Variants in GINM1 observed in about 807,000 individuals in gnomAD.
The protein encoded by GINM1 is glycoprotein integral membrane protein 1.
A neutral mutation model predicts 37.8 loss-of-function variants in GINM1; 29 were observed. The observed-to-expected ratio is 0.77, with a 90% CI of 0.57 to 1.05. GINM1 has a LOEUF of 1.05. Among genes scored for constraint, GINM1 ranks in the 50% least tolerant of loss-of-function variants. The pLI, the probability that GINM1 is intolerant of heterozygous loss-of-function variation, is 0.00. For missense variants in GINM1, 377 were observed against 397.9 expected, an observed-to-expected ratio of 0.95 and a Z score of 0.45; for synonymous variants, 143 against 146.2, an observed-to-expected ratio of 0.98 and a Z score of 0.16.
At chr6:149,568,128 G>A (rs1442611591) in intron 1 of GINM1, among the ~76,000 whole-genome samples, 3 of 152,284 alleles carry the variant, frequency 2.0e-5, no homozygotes, top group Non-Finnish European at 2.9e-5. Flanking sequence ...CACATATTAC[G>A]CTGGGTGCAG....
At chr6:149,580,129 A>T in intron 5 of GINM1, 139 bp downstream of exon 5, 2 of 605,182 alleles carry the variant, frequency 3.3e-6, no homozygotes, top group South Asian at 5.4e-5. Context: ...ATGTTTGGAA[A>T]TGAGCTTGTT....
At chr6:149,580,570 A>G (rs764476982) in intron 5 of GINM1, 23 bp from the exon 6 acceptor site, 1 of 1,596,666 alleles carries the variant, frequency 6.3e-7, no homozygotes, top group South Asian at 1.1e-5. Context: ...CATTTTGGTA[A>G]CGTTGCTCTT....
chr6:149,585,707 C>G (rs1400862242), intron 7 of GINM1, among the ~76,000 whole-genome samples: 1 of 152,128 alleles, frequency 6.6e-6, no homozygotes, highest in African/African-American at 2.4e-5. Context: ...ATTCTCCTGC[C>G]TCAGCCTCCC....
In GINM1 at chr6:149,582,452, T is replaced by G. The variant is rs140562734; in HGVS notation, c.730T>G (p.Trp244Gly). The G allele has an allele frequency of 2.9e-4, 458 of 1,604,892 alleles. No homozygotes were observed. Among genetic ancestry groups the G allele is most frequent in the Non-Finnish European group, 3.8e-4 (443 of 1,178,134 alleles). Reference sequence around the variant, plus strand: ...ATTCCTTTTTCAGGTAATGTGTCAGTGGATGGAAAAGTTTAGAAAAGATCT... The same window carrying G: ...ATTCCTTTTTCAGGTAATGTGTCAGGGGATGGAAAAGTTTAGAAAAGATCT... Reference protein sequence around the residue: ...PPSSYKVMCQWMEKFRKDLCR... With the variant: ...PPSSYKVMCQGMEKFRKDLCR... The change falls in exon 7 of 8, where the codon TGG (tryptophan) becomes GGG (glycine). Residue 244 changes from tryptophan (W) to glycine (G), a missense_variant. Physicochemically the swap from Trp to Gly is radical, Grantham distance 184. Coordinates refer to ENST00000367419, the MANE Select transcript of GINM1 (RefSeq NM_138785.5).
chr6:149,589,447 AT>A, intron 7 of GINM1, among the ~76,000 whole-genome samples: 1 of 150,262 alleles, frequency 6.7e-6, no homozygotes. Context: ...TAATTTATGT[AT>A]TTTTAGTAGA....
intron 2 of GINM1, 68 bp from the exon 3 acceptor site, chr6:149,572,439 T>C (rs1777842164): frequency 1.6e-6 from 2 of 1,280,604 alleles, no homozygotes; most frequent in African/African-American, 3.0e-5. Context: ...AGTTAATCTT[T>C]TTTGACTTGA....
intron 1 of GINM1, among the ~76,000 whole-genome samples, chr6:149,567,665 G>A (rs935036792): frequency 2.0e-5 from 3 of 152,086 alleles, no homozygotes; most frequent in African/African-American, 4.8e-5. Context: ...AAAAAACCAA[G>A]TGTTAACGTT....
At chr6:149,575,543 G>C (rs796614484) in intron 3 of GINM1, among the ~76,000 whole-genome samples, 16 of 152,300 alleles carry the variant, frequency 1.1e-4, no homozygotes, top group African/African-American at 3.6e-4. Context: ...GCCTTTGCGG[G>C]AAGAAATCAC....
intron 7 of GINM1, among the ~76,000 whole-genome samples, chr6:149,583,837 T>G (rs1778034663): frequency 6.6e-6 from 1 of 152,126 alleles, no homozygotes; most frequent in African/African-American, 2.4e-5. Context: ...ACAAGTTATC[T>G]CTAATGAGTG....
intron 4 of GINM1, 63 bp downstream of exon 4, chr6:149,579,036 C>G (rs1777959266): frequency 3.0e-6 from 3 of 1,015,582 alleles, no homozygotes; most frequent in African/African-American, 1.6e-5. Context: ...AGATATTATG[C>G]ATGTGTTCAG....
intron 7 of GINM1, among the ~76,000 whole-genome samples, chr6:149,585,145 C>T (rs978665821): frequency 6.6e-6 from 1 of 152,250 alleles, no homozygotes; most frequent in South Asian, 2.1e-4. Context: ...GCATAGAAAA[C>T]GGTGTTGTAA....
In GINM1 at chr6:149,566,640, G is replaced by C; in HGVS notation, c.120+106G>C. The C allele has an allele frequency of 1.5e-6, 2 of 1,348,040 alleles. No individual in the cohort carries two copies. Among genetic ancestry groups the C allele is most frequent in the South Asian group, 3.3e-5 (2 of 60,620 alleles). The allele number at this position is 1,348,040 out of a possible 1,614,324, so 83.5% of individuals were successfully genotyped here. On this transcript the variant is annotated intron_variant, in intron 1 of 7. Transcript: ENST00000367419. The surrounding 1 kb of genome is among the most constrained non-coding windows in gnomAD (Gnocchi z 4.4). ...ACATCCCACCGGCGGGCAGGGGCGG[G>C]GGTCCGGGCCCCCGAAGGAGGTGTG...
chr6:149,582,633 T>C (rs753687447), intron 7 of GINM1, 30 bp downstream of exon 7: 5 of 1,413,708 alleles, frequency 3.5e-6, no homozygotes, highest in Non-Finnish European at 4.8e-6. Context: ...GAAATGTTAG[T>C]ATTTTTAATG....
At chr6:149,574,707 T>C (rs1411752615) in intron 3 of GINM1, among the ~76,000 whole-genome samples, 1 of 152,056 alleles carries the variant, frequency 6.6e-6, no homozygotes, top group African/African-American at 2.4e-5. Context: ...CTGGGCAACA[T>C]AGGGAAACCT....
At chr6:149,582,225 T>C (rs985037326) in intron 6 of GINM1, 1 of 594,684 alleles carries the variant, frequency 1.7e-6, no homozygotes, top group Non-Finnish European at 3.1e-6. Context: ...ACATAATTTT[T>C]AAAGTTGTAA....
At chr6:149,568,392 G>A (rs1178551209) in intron 1 of GINM1, among the ~76,000 whole-genome samples, 1 of 152,248 alleles carries the variant, frequency 6.6e-6, no homozygotes, top group South Asian at 2.1e-4. Context: ...CAATAGGAAA[G>A]AATTTCACAG....
intron 1 of GINM1, among the ~76,000 whole-genome samples, chr6:149,567,074 T>C (rs1026839584): frequency 2.0e-5 from 3 of 152,144 alleles, no homozygotes; most frequent in African/African-American, 7.2e-5. Flanking sequence ...TGTCGGATGT[T>C]GGAGGAGAAG....
intron 6 of GINM1, 191 bp from the exon 7 acceptor site, chr6:149,582,249 G>T: frequency 1.6e-6 from 1 of 610,508 alleles, no homozygotes; most frequent in Admixed American, 2.9e-5. Flanking sequence ...ACTTCATTGA[G>T]GTACATTCTA....
At chr6:149,575,451 G>C (rs1777899865) in intron 3 of GINM1, among the ~76,000 whole-genome samples, 1 of 152,214 alleles carries the variant, frequency 6.6e-6, no homozygotes, top group Non-Finnish European at 1.5e-5. Context: ...CAGACACTTT[G>C]TCGAGCTTTT....
Sources: gnomAD v4.1 joint callset for allele counts (sites outside exome capture counted in the v4.1 genomes callset) on GRCh38, gnomAD v4.1.1 for gene constraint, Gnocchi (gnomAD v3.1) non-coding constraint, MANE v1.5 for transcripts, NCBI Gene and HGNC (gene_info 2026-07-23, HGNC 2026-07-21) for gene names.